Variants in HNRNPH1 observed in about 807,000 individuals in gnomAD.
The protein encoded by HNRNPH1 is heterogeneous nuclear ribonucleoprotein H.
In HNRNPH1, 4 loss-of-function variants were observed where a neutral mutation model predicts 58.6. The observed-to-expected ratio is 0.07, with a 90% CI of 0.03 to 0.16. HNRNPH1 has a LOEUF of 0.16. HNRNPH1 is among the 10% of genes least tolerant of loss of function. HNRNPH1 has a pLI of 1.00. For missense variants in HNRNPH1, 271 were observed against 564.2 expected, an observed-to-expected ratio of 0.48 and a Z score of 5.26; for synonymous variants, 192 against 189.2, an observed-to-expected ratio of 1.01 and a Z score of -0.12.
intron 2 of HNRNPH1, among the ~76,000 whole-genome samples, chr5:179,630,654 G>A (rs1774755563): frequency 6.6e-6 from 1 of 152,182 alleles, no homozygotes; most frequent in African/African-American, 2.4e-5. Flanking sequence ...GCTCACGCCT[G>A]TAATCCCAGC....
chr5:179,618,500 G>A (rs963149159), intron 4 of HNRNPH1, 177 bp from the exon 6 acceptor site: 11 of 425,568 alleles, frequency 2.6e-5, no homozygotes, highest in Admixed American at 8.1e-5. Context: ...TCAATAAATA[G>A]TAAGACAATG....
At chr5:179,620,614 T>G (rs761938305) in intron 3 of HNRNPH1, 1 of 338,150 alleles carries the variant, frequency 3.0e-6, no homozygotes, top group Non-Finnish European at 5.5e-6. Flanking sequence ...TGGACACCAA[T>G]GTGAGGAAAG....
At chr5:179,620,835 T>G in intron 3 of HNRNPH1, 57 bp downstream of exon 4, 1 of 1,533,912 alleles carries the variant, frequency 6.5e-7, no homozygotes, top group Non-Finnish European at 9.0e-7. Context: ...GTCTATTAAA[T>G]CACCTTGCCA....
At chr5:179,625,932 ATTAT>A (rs71591435), upstream of HNRNPH1, among the ~76,000 whole-genome samples, 596 of 144,232 alleles carry the variant, frequency 4.1e-3, 8 homozygotes, top group African/African-American at 8.0e-3. Context: ...CCTTGCTCAG[ATTAT>A]TTATTTATTT....
chr5:179,616,211 C>A, exon 11 of HNRNPH1: 1 of 1,613,946 alleles, frequency 6.2e-7, no homozygotes, highest in Non-Finnish European at 8.5e-7. Flanking sequence ...CGTAGCTGGA[C>A]TGGTTTGCTG....
exon 8 of HNRNPH1, chr5:179,617,598 C>T: frequency 6.2e-7 from 1 of 1,614,040 alleles, no homozygotes; most frequent in Non-Finnish European, 8.5e-7. Context: ...GTTACTCTGC[C>T]ATCAGGACCA....
chr5:179,623,934 T>C (rs1774018105), exon 1 of HNRNPH1: 1 of 152,368 alleles, frequency 6.6e-6, no homozygotes. Context: ...TTTATAATTA[T>C]TTCATGCGCA....
chr5:179,621,802 C>T, intron 1 of HNRNPH1: 2 of 378,440 alleles, frequency 5.3e-6, no homozygotes, highest in Admixed American at 3.6e-5. Flanking sequence ...AGCCACATTA[C>T]GGTTTCTCAT....
chr5:179,620,976 G>A, exon 3 of HNRNPH1: 2 of 1,613,934 alleles, frequency 1.2e-6, no homozygotes, highest in African/African-American at 1.3e-5. Context: ...GCCGTGTCAG[G>A]ACTATTTGGA....
chr5:179,614,999 G>A (rs1768815109), intron 12 of HNRNPH1, 40 bp from the exon 14 acceptor site: 2 of 1,135,436 alleles, frequency 1.8e-6, no homozygotes, highest in Non-Finnish European at 2.6e-6. Flanking sequence ...AGTAATATCA[G>A]ACTACCAGTC....
At chr5:179,618,227 G>A (rs750812900) in exon 5 of HNRNPH1, 1 of 1,613,930 alleles carries the variant, frequency 6.2e-7, no homozygotes, top group Non-Finnish European at 8.5e-7. Flanking sequence ...CCCCAGGTCT[G>A]TCATAAGGAC....
intron 1 of HNRNPH1, among the ~76,000 whole-genome samples, chr5:179,622,635 C>G (rs1403440337): frequency 6.6e-6 from 1 of 152,176 alleles, no homozygotes; most frequent in African/African-American, 2.4e-5. Context: ...CGCTTGAACC[C>G]AGGAGGCGGA....
chr5:179,625,143 T>G (rs1227556961), upstream of HNRNPH1, among the ~76,000 whole-genome samples: 2 of 152,118 alleles, frequency 1.3e-5, no homozygotes, highest in Non-Finnish European at 2.9e-5. Flanking sequence ...TACTACAAAC[T>G]GAACTAGAAG....
At chr5:179,623,064 C>A (rs1337469570) in exon 1 of HNRNPH1, 1 of 1,601,848 alleles carries the variant, frequency 6.2e-7, no homozygotes, top group Non-Finnish European at 8.5e-7. Flanking sequence ...ACTTCATCGG[C>A]CGAGCAAGAC....
chr5:179,618,212 A>C (rs1462064157), exon 5 of HNRNPH1: 1 of 1,613,972 alleles, frequency 6.2e-7, no homozygotes, highest in African/African-American at 1.3e-5. Flanking sequence ...TATACCCTCT[A>C]CCAGCCCCAG....
chr5:179,614,633 A>C (rs1365301021), exon 13 of HNRNPH1: 1 of 419,882 alleles, frequency 2.4e-6, no homozygotes, highest in African/African-American at 2.0e-5. Flanking sequence ...TAACAGTTAT[A>C]GTTTACTCAG....
At chr5:179,624,238 T>G (rs1312824690) in exon 1 of HNRNPH1, 1 of 351,058 alleles carries the variant, frequency 2.8e-6, no homozygotes, top group Non-Finnish European at 5.1e-6. Flanking sequence ...GCTGCGGGGC[T>G]GCGGACGTCC....
chr5:179,614,765 A>T (rs1019791242), exon 13 of HNRNPH1: 2 of 764,424 alleles, frequency 2.6e-6, no homozygotes, highest in Non-Finnish European at 4.2e-6. Context: ...AGAAACTGTT[A>T]AACTGAAGTT....
At chr5:179,625,341 C>T (rs1299699552), upstream of HNRNPH1, among the ~76,000 whole-genome samples, 3 of 61,142 alleles carry the variant, frequency 4.9e-5, no homozygotes, top group Non-Finnish European at 9.2e-5. Flanking sequence ...ACTAAAGATA[C>T]AAAAATTATC....
Sources: allele counts gnomAD v4.1 joint callset (sites outside exome capture counted in the v4.1 genomes callset), GRCh38; gene constraint gnomAD v4.1.1; transcripts MANE v1.5; gene names NCBI Gene and HGNC (gene_info 2026-07-23, HGNC 2026-07-21).